Variants in TMEM132D observed in about 807,000 individuals in gnomAD.
TMEM132D encodes the protein transmembrane protein 132D, also known as mature OL transmembrane protein.
A neutral mutation model predicts 62.3 loss-of-function variants in TMEM132D; 21 were observed. The observed-to-expected ratio is 0.34, with a 90% CI of 0.24 to 0.49. TMEM132D has a LOEUF of 0.49. Among genes scored for constraint, TMEM132D ranks in the 20% least tolerant of loss-of-function variants. TMEM132D has a pLI of 0.99. For synonymous variants in TMEM132D, 621 were observed against 575.6 expected (o/e 1.08, Z -1.13); for missense variants, 1,346 against 1,402.8 (o/e 0.96, Z 0.65).
intron 1 of TMEM132D, among the ~76,000 whole-genome samples, chr12:129,873,265 G>C (rs1874314609): frequency 6.6e-6 from 1 of 152,026 alleles, no homozygotes; most frequent in Non-Finnish European, 1.5e-5. Flanking sequence ...ATAGAAGAGG[G>C]GGCCTCCGAA....
At chr12:129,518,537 A>C (rs1179194128) in intron 3 of TMEM132D, among the ~76,000 whole-genome samples, 2 of 87,012 alleles carry the variant, frequency 2.3e-5, no homozygotes, top group Non-Finnish European at 6.4e-5. Context: ...ATACATATAC[A>C]CATGTGCGTG....
intron 2 of TMEM132D, among the ~76,000 whole-genome samples, chr12:129,592,374 A>G (rs991838156): frequency 2.0e-5 from 3 of 152,206 alleles, no homozygotes; most frequent in African/African-American, 4.8e-5. Flanking sequence ...ACTCTTGCCT[A>G]TTCTAAGTAC....
chr12:129,774,504 G>A (rs552069061), intron 1 of TMEM132D, among the ~76,000 whole-genome samples: 15 of 152,296 alleles, frequency 9.8e-5, no homozygotes, highest in Admixed American at 3.9e-4. Context: ...TGGGGGGCCC[G>A]TTGCAATCAC....
chr12:129,371,926 T>C lies in TMEM132D; in HGVS notation c.1116-34109A>G, dbSNP rs1476526376. Among the ~76,000 whole-genome samples the C allele has an allele frequency of 6.6e-6, 1 of 152,234 alleles. No individual in the cohort carries two copies. Among genetic ancestry groups the C allele is most frequent in the Admixed American group, 6.5e-5 (1 of 15,278 alleles). On this transcript the variant is annotated intron_variant, in intron 3 of 8. Transcript: ENST00000422113. The surrounding 1 kb of genome is among the most constrained non-coding windows in gnomAD (Gnocchi z 4.3). ...CCCAGATCCTGAGATGCCAGCATTC[T>C]TGTTGTTGTGATAGTTAGCATGTGG...
intron 3 of TMEM132D, among the ~76,000 whole-genome samples, chr12:129,407,111 A>T (rs971880903): frequency 6.6e-6 from 1 of 152,256 alleles, no homozygotes; most frequent in Non-Finnish European, 1.5e-5. Flanking sequence ...TAAAGCTTTG[A>T]TTAAGACTTG....
At chr12:129,890,425 G>C (rs1381224404) in intron 1 of TMEM132D, among the ~76,000 whole-genome samples, 1 of 152,200 alleles carries the variant, frequency 6.6e-6, no homozygotes, top group Non-Finnish European at 1.5e-5. Context: ...CACTGTGGCT[G>C]GGAGTTCCCA....
intron 1 of TMEM132D, among the ~76,000 whole-genome samples, chr12:129,767,856 G>T (rs1285824409): frequency 6.6e-6 from 1 of 152,306 alleles, no homozygotes; most frequent in East Asian, 1.9e-4. Flanking sequence ...GGAAAAAGAG[G>T]TTTAATGAAC....
chr12:129,576,596 C>T (rs1486844192), intron 2 of TMEM132D, among the ~76,000 whole-genome samples: 3 of 92,916 alleles, frequency 3.2e-5, no homozygotes, highest in Non-Finnish European at 7.1e-5. Flanking sequence ...ATGTGGAATA[C>T]ATATTATACA....
chr12:129,718,972 C>T (rs979932449), intron 1 of TMEM132D, among the ~76,000 whole-genome samples: 1 of 151,636 alleles, frequency 6.6e-6, no homozygotes, highest in African/African-American at 2.4e-5. Flanking sequence ...TATGGTGGCT[C>T]ATGCCTGTAA....
intron 5 of TMEM132D, among the ~76,000 whole-genome samples, chr12:129,158,426 T>TA (rs1877305353): frequency 1.1e-5 from 1 of 92,954 alleles, no homozygotes; most frequent in Admixed American, 1.2e-4. Flanking sequence ...ATCTTGAGTT[T>TA]AAGTTATCTG....
Position 129,512,563 on chromosome 12 carries a change from G to A in TMEM132D, c.1115+18496C>T, listed in dbSNP as rs145619900. On this transcript the variant is annotated intron_variant, in intron 3 of 8. Transcript: ENST00000422113. ...AGCATAAATATTTATTAGCTATACA[G>A]TTTCTGAGGGTCAAGAATTTGGGAG... Among the ~76,000 whole-genome samples the A allele has an allele frequency of 3.3e-5, 5 of 152,320 alleles. No individual in the cohort carries two copies. In the East Asian group the frequency reaches 9.6e-4, roughly 29 times the overall value.
intron 3 of TMEM132D, among the ~76,000 whole-genome samples, chr12:129,488,041 G>A (rs57682430): frequency 0.2 from 29,930 of 150,652 alleles, 3,515 homozygotes; most frequent in African/African-American, 0.32. Context: ...TTTCCATCCC[G>A]TATGCCTTGT....
intron 2 of TMEM132D, among the ~76,000 whole-genome samples, chr12:129,557,701 G>T (rs969543541): frequency 9.2e-5 from 14 of 152,182 alleles, no homozygotes; most frequent in African/African-American, 3.1e-4. Flanking sequence ...GAGAAACAGA[G>T]CAAGACCTTG....
At chr12:129,650,835 G>A (rs374346826) in intron 2 of TMEM132D, among the ~76,000 whole-genome samples, 189 of 152,282 alleles carry the variant, frequency 1.2e-3, no homozygotes, top group African/African-American at 4.0e-3. Context: ...CATAGACCAG[G>A]TGATGGTAAC....
chr12:129,625,932 G>A (rs561019859), intron 2 of TMEM132D, among the ~76,000 whole-genome samples: 10 of 152,136 alleles, frequency 6.6e-5, no homozygotes, highest in African/African-American at 1.9e-4. Context: ...ACAACGTCAC[G>A]TGTATGACTC....
intron 5 of TMEM132D, among the ~76,000 whole-genome samples, chr12:129,090,176 A>G (rs1874861596): frequency 6.6e-6 from 1 of 152,196 alleles, no homozygotes. Context: ...TGTCTTCAGT[A>G]TCTGCCACCA....
intron 1 of TMEM132D, among the ~76,000 whole-genome samples, chr12:129,743,474 T>A (rs865956622): frequency 1.1e-4 from 17 of 152,308 alleles, no homozygotes; most frequent in Admixed American, 3.3e-4. Flanking sequence ...ACGTGTTTGC[T>A]TCCCCTTCTG....
At chr12:129,465,965 G>A (rs765098885) in intron 3 of TMEM132D, among the ~76,000 whole-genome samples, 2 of 152,206 alleles carry the variant, frequency 1.3e-5, no homozygotes, top group Non-Finnish European at 2.9e-5. Context: ...TTACAGGCAT[G>A]AGCCATTGCA....
intron 5 of TMEM132D, among the ~76,000 whole-genome samples, chr12:129,159,777 A>G (rs1297341790): frequency 3.4e-5 from 1 of 29,446 alleles, no homozygotes; most frequent in Non-Finnish European, 1.1e-4. Flanking sequence ...AAAAAAAAAA[A>G]GAAAGAAAAT....
Sources: gnomAD v4.1 joint callset for allele counts (sites outside exome capture counted in the v4.1 genomes callset) on GRCh38, gnomAD v4.1.1 for gene constraint, Gnocchi (gnomAD v3.1) non-coding constraint, MANE v1.5 for transcripts, NCBI Gene and HGNC (gene_info 2026-07-23, HGNC 2026-07-21) for gene names.